Variants in GIGYF2 observed in about 807,000 individuals in gnomAD.
GIGYF2 encodes the protein GRB10 interacting GYF protein 2.
In GIGYF2, 25 loss-of-function variants were observed where a neutral mutation model predicts 208.1. The observed-to-expected ratio is 0.12, with a 90% confidence interval of 0.09 to 0.17. The LOEUF (loss-of-function observed/expected upper bound fraction) is 0.17, where lower values mean the gene tolerates loss of function less well. Ranked by LOEUF, GIGYF2 falls within the 10% of genes least tolerant of loss-of-function variation. The pLI is 1.00. For missense variants in GIGYF2, 1,302 were observed against 1,579.4 expected (o/e 0.82, Z 2.98); for synonymous variants, 534 against 543.8 (o/e 0.98, Z 0.25).
Position 232,858,338 on chromosome 2 carries a change from T to C in GIGYF2, c.*1478T>C. ...TATATTTGGCTTCTATTTTTATTATTTTGGATCACCATTCTCCCTATCCCT... is the reference window on the plus strand; with the variant it reads ...TATATTTGGCTTCTATTTTTATTATCTTGGATCACCATTCTCCCTATCCCT... On this transcript the variant is annotated 3_prime_UTR_variant, in exon 29 of 29. Coordinates refer to ENST00000373563, the MANE Select transcript of GIGYF2 (RefSeq NM_001103146.3). 2.6e-6 allele frequency: 1 copy of C among 389,608 alleles called. No homozygotes were observed. Among genetic ancestry groups the C allele is most frequent in the Middle Eastern group, 7.2e-4 (1 of 1,384 alleles). 24.1% of individuals were successfully genotyped at this position (389,608 alleles called of 1,614,324 possible). A position where few individuals can be genotyped will look rare whatever the true frequency, so the allele number is the denominator to read the frequency against.
chr2:232,833,395 T>A (rs190719134), intron 22 of GIGYF2, among the ~76,000 whole-genome samples: 2 of 152,230 alleles, frequency 1.3e-5, no homozygotes, highest in Admixed American at 6.5e-5. Flanking sequence ...TAGTTTTTTA[T>A]ATTTTTAGTA....
chr2:232,748,294 T>C (rs1301422740), intron 4 of GIGYF2, among the ~76,000 whole-genome samples: 1 of 152,238 alleles, frequency 6.6e-6, no homozygotes. Context: ...CAATATACTT[T>C]TTTTTTGAGA....
At chr2:232,765,870 A>G (rs776619856) in intron 8 of GIGYF2, 4 of 464,074 alleles carry the variant, frequency 8.6e-6, no homozygotes, top group Non-Finnish European at 1.8e-5. Flanking sequence ...GTTTGTTGAA[A>G]CTGTCATGCT....
intron 3 of GIGYF2, among the ~76,000 whole-genome samples, chr2:232,740,098 A>G (rs1204954519): frequency 6.6e-6 from 1 of 152,136 alleles, no homozygotes; most frequent in Non-Finnish European, 1.5e-5. Context: ...ATCCTGAGTG[A>G]CAAAGTGCTA....
chr2:232,707,637 A>AT (rs35807853), intron 2 of GIGYF2, among the ~76,000 whole-genome samples: 46,398 of 135,424 alleles, frequency 0.34, 8,095 homozygotes, highest in South Asian at 0.62. Flanking sequence ...TACCATTGGG[A>AT]TTTTTTTTTT....
chr2:232,774,712 C>CTA (rs1321257942), intron 8 of GIGYF2, among the ~76,000 whole-genome samples: 2 of 152,186 alleles, frequency 1.3e-5, no homozygotes, highest in African/African-American at 4.8e-5. Flanking sequence ...CTCCTGGACA[C>CTA]TAGTGCTTGT....
intron 28 of GIGYF2, among the ~76,000 whole-genome samples, chr2:232,853,207 C>T (rs558480060): frequency 6.6e-6 from 1 of 152,232 alleles, no homozygotes; most frequent in Non-Finnish European, 1.5e-5. Flanking sequence ...TACACATTCC[C>T]CATGCATAAA....
chr2:232,798,727 G>C (rs980379631), intron 14 of GIGYF2, among the ~76,000 whole-genome samples: 1 of 150,570 alleles, frequency 6.6e-6, no homozygotes. Context: ...CTTCATTCAA[G>C]TTTTTCTTCA....
intron 8 of GIGYF2, among the ~76,000 whole-genome samples, chr2:232,773,645 A>G (rs903988488): frequency 6.6e-6 from 1 of 152,096 alleles, no homozygotes; most frequent in Admixed American, 6.5e-5. Context: ...AACTTTGTTC[A>G]TGATTCTTTA....
intron 8 of GIGYF2, chr2:232,768,924 T>C: frequency 1.1e-6 from 1 of 915,562 alleles, no homozygotes; most frequent in South Asian, 1.8e-5. Flanking sequence ...TGCCATGCCT[T>C]TCAGTGAGTC....
chr2:232,833,171 A>C, intron 22 of GIGYF2, 78 bp downstream of exon 22: 1 of 779,552 alleles, frequency 1.3e-6, no homozygotes, highest in Non-Finnish European at 2.1e-6. Context: ...TACCAGTAGC[A>C]GTAAAACTGT....
At position 232,724,207 on chromosome 2, in the gene GIGYF2, A is replaced by ATTTTTTTTTTT. The variant is rs1163865821; in HGVS notation, c.-43-10936_-43-10926dup. On this transcript the variant is annotated intron_variant, in intron 2 of 28. Coordinates refer to ENST00000373563, the MANE Select transcript of GIGYF2 (RefSeq NM_001103146.3). ...CAGGCGCCCGCTGCCACACCTGGCT[A>ATTTTTTTTTTT]TTTTTTTTTTTTTTTTTTTTTTGTA... Among the ~76,000 whole-genome samples, 66 of 114,172 alleles carry ATTTTTTTTTTT rather than the reference A, an allele frequency of 5.8e-4. 1 individual carries two copies. The highest frequency in any genetic ancestry group is 5.2e-3 in the Middle Eastern group (1 of 194). The allele number at this position is 114,172 out of a possible 152,430, so 74.9% of individuals were successfully genotyped here. A position where few individuals can be genotyped will look rare whatever the true frequency, so the allele number is the denominator to read the frequency against.
intron 2 of GIGYF2, among the ~76,000 whole-genome samples, chr2:232,712,903 A>G (rs188274328): frequency 6.6e-6 from 1 of 152,182 alleles, no homozygotes; most frequent in Non-Finnish European, 1.5e-5. Context: ...TGCTAAGTAG[A>G]TAAGAGTTTG....
intron 8 of GIGYF2, among the ~76,000 whole-genome samples, chr2:232,762,240 T>G (rs1233395032): frequency 2.4e-4 from 13 of 54,906 alleles, no homozygotes; most frequent in African/African-American, 1.2e-3. Flanking sequence ...TTTTTTTTGT[T>G]TTTTTTTTTG....
At position 232,845,818 on chromosome 2, in the gene GIGYF2, C is replaced by A; in HGVS notation, c.3392C>A (p.Ala1131Asp). 6.2e-7 allele frequency: 1 copy of A among 1,613,308 alleles called. No homozygotes were observed. The highest frequency in any genetic ancestry group is 8.5e-7 in the Non-Finnish European group (1 of 1,179,378). The part of the protein sequence containing the change: ...LLKLFQGVNK[A>D]QDGFTQWCEQ... Reference sequence around the variant, plus strand: ...AAGCTCTTTCAGGGAGTAAATAAAGCCCAAGATGGATTTACGCAGTGGTGT... The same window carrying A: ...AAGCTCTTTCAGGGAGTAAATAAAGACCAAGATGGATTTACGCAGTGGTGT... Residue 1131 changes from alanine to aspartate, a missense_variant, in exon 26 of 29, where the codon GCC (alanine) becomes GAC (aspartate). By Grantham distance (126) the Ala-to-Asp change is moderately radical. Coordinates refer to ENST00000373563, the MANE Select transcript of GIGYF2 (RefSeq NM_001103146.3).
chr2:232,787,345 A>T lies in GIGYF2; in HGVS notation c.712+16A>T. 1.2e-6 allele frequency: 2 copies of T among 1,608,160 alleles called. No individual in the cohort carries two copies. Among genetic ancestry groups the T allele is most frequent in the Admixed American group, 3.3e-5 (2 of 59,994 alleles). On this transcript the variant is annotated intron_variant, in intron 9 of 28. Coordinates refer to ENST00000373563, the MANE Select transcript of GIGYF2 (RefSeq NM_001103146.3). Reference sequence around the variant, plus strand: ...CACAGTCCTGGTAAGAATTCTGTTGAGTAAAGGCACACAGGGACTGAAATA... The same window carrying T: ...CACAGTCCTGGTAAGAATTCTGTTGTGTAAAGGCACACAGGGACTGAAATA...
Position 232,794,807 on chromosome 2 carries a change from C to A in GIGYF2, c.1342C>A (p.Leu448Ile). 6.2e-7 allele frequency: 1 copy of A among 1,613,896 alleles called. No individual in the cohort carries two copies. ...GATTCCTTCAGATACAGCCTCTCCTCTTCTCATACTTCCACCTCCTGTTCC... is the reference window on the plus strand; with the variant it reads ...GATTCCTTCAGATACAGCCTCTCCTATTCTCATACTTCCACCTCCTGTTCC... ...SQIPSDTASP[L>I]LILPPPVPNP... The change falls in exon 13 of 29, where the codon CTT becomes ATT. Residue 448 changes from leucine to isoleucine, a missense_variant. By Grantham distance (5) the Leu-to-Ile change is conservative. Around this residue, in one of 8 missense-constraint regions of GIGYF2, gnomAD observed 235 missense variants for 218.8 expected, o/e 1.07. Transcript: ENST00000373563.
At chr2:232,721,796 A>G (rs919668778) in intron 2 of GIGYF2, among the ~76,000 whole-genome samples, 2 of 151,826 alleles carry the variant, frequency 1.3e-5, no homozygotes, top group African/African-American at 4.8e-5. Flanking sequence ...TGTTTTTTCT[A>G]TTTTTGTCTC....
At chr2:232,794,005 T>A (rs910328120) in intron 12 of GIGYF2, among the ~76,000 whole-genome samples, 4 of 152,190 alleles carry the variant, frequency 2.6e-5, no homozygotes, top group Admixed American at 6.5e-5. Flanking sequence ...GGAGACAGCA[T>A]GTATAGACTA....
Sources: allele counts gnomAD v4.1 joint callset (sites outside exome capture counted in the v4.1 genomes callset), GRCh38; gene constraint gnomAD v4.1.1; regional missense constraint gnomAD v4.1.1; transcripts MANE v1.5; gene names NCBI Gene and HGNC (gene_info 2026-07-23, HGNC 2026-07-21).